The following CTBP2 variants were observed in gnomAD, a reference collection of about 807,000 sequenced individuals.
The protein encoded by CTBP2 is C-terminal binding protein 2.
In CTBP2, 30 loss-of-function variants were observed where a neutral mutation model predicts 80.3. That is an observed-to-expected ratio of 0.37 (90% CI 0.28 to 0.51). CTBP2 has a LOEUF of 0.51. CTBP2 is among the 20% of genes least tolerant of loss of function. CTBP2 has a pLI of 0.93. For synonymous variants in CTBP2, 594 were observed against 587.4 expected, an observed-to-expected ratio of 1.01 and a Z score of -0.16; for missense variants, 1,212 against 1,375.3, an observed-to-expected ratio of 0.88 and a Z score of 1.88.
In CTBP2 at chr10:125,090,456, TAA is replaced by T. The variant is rs113744620; in HGVS notation, c.-102+20532_-102+20533del. Among the ~76,000 whole-genome samples the T allele has an allele frequency of 8.7e-3, 1,170 of 134,490 alleles. 13 individuals are homozygous for T. The highest frequency in any genetic ancestry group is 0.03 in the African/African-American group (1,092 of 36,592). The allele number at this position is 134,490 out of a possible 152,430, so 88.2% of individuals were successfully genotyped here. ...AAAATATGGAATAATAATGGTTATT[TAA>T]AAAAAAAAAAAAAAGCTGAGGAGGG... On this transcript the variant is annotated intron_variant, in intron 2 of 10. Coordinates refer to the CTBP2 transcript ENST00000337195.
rs773324540 is a variant in CTBP2, at chr10:124,986,281, G to GCACACACACACACACACACA, written c.*3236_*3237insTGTGTGTGTGTGTGTGTGTG. The GCACACACACACACACACACA allele has an allele frequency of 1.1e-4, 11 of 102,842 alleles. No individual in the cohort carries two copies. Among genetic ancestry groups the GCACACACACACACACACACA allele is most frequent in the East Asian group, 6.4e-4 (2 of 3,118 alleles). 6.4% of individuals were successfully genotyped at this position (102,842 alleles called of 1,614,324 possible). On this transcript the variant is annotated 3_prime_UTR_variant, in exon 9 of 9. Coordinates refer to ENST00000309035, the MANE Select transcript of CTBP2 (RefSeq NM_022802.3). ...GAATTTGGAAAGACGACACACGCAC[G>GCACACACACACACACACACA]CGCGCGCGCGCACACACACACACAC...
chr10:125,088,604 G>A (rs1165801765), intron 2 of CTBP2, among the ~76,000 whole-genome samples: 1 of 152,078 alleles, frequency 6.6e-6, no homozygotes, highest in Non-Finnish European at 1.5e-5. Context: ...GATCACTATT[G>A]CTCATTACCT....
At chr10:124,998,239 C>A in intron 3 of CTBP2, 69 bp from the exon 6 acceptor site, 1 of 1,518,680 alleles carries the variant, frequency 6.6e-7, no homozygotes, top group South Asian at 1.2e-5. Flanking sequence ...CCAGGGCTCC[C>A]AGCCCGCCCT....
intron 2 of CTBP2, among the ~76,000 whole-genome samples, chr10:125,110,143 C>A (rs932222970): frequency 3.9e-4 from 59 of 152,224 alleles, no homozygotes; most frequent in African/African-American, 1.4e-3. Flanking sequence ...CAAAGCTAGT[C>A]CCCTCAAGGC....
At chr10:125,043,267 C>T (rs769498422) in intron 2 of CTBP2, among the ~76,000 whole-genome samples, 18 of 152,118 alleles carry the variant, frequency 1.2e-4, no homozygotes, top group Non-Finnish European at 2.1e-4. Context: ...GGGGAGGGTT[C>T]CCCTCATCAA....
intron 1 of CTBP2, among the ~76,000 whole-genome samples, chr10:125,138,535 A>C (rs1423504328): frequency 6.6e-6 from 1 of 151,934 alleles, no homozygotes; most frequent in Non-Finnish European, 1.5e-5. Flanking sequence ...AATAAGATTA[A>C]CTAAGAGGCA....
intron 1 of CTBP2, chr10:125,159,999 C>T (rs1367676117): frequency 6.7e-6 from 1 of 150,240 alleles, no homozygotes; most frequent in East Asian, 2.0e-4. Flanking sequence ...GGAAGGTGAC[C>T]GCCTACTTCG....
At chr10:125,068,657 G>A (rs1226199780) in intron 2 of CTBP2, among the ~76,000 whole-genome samples, 2 of 152,180 alleles carry the variant, frequency 1.3e-5, no homozygotes, top group Admixed American at 6.5e-5. Context: ...TGCCATGGCC[G>A]AGACAACTAC....
At chr10:125,023,632 T>G (rs1456786977) in intron 1 of CTBP2, among the ~76,000 whole-genome samples, 1 of 152,118 alleles carries the variant, frequency 6.6e-6, no homozygotes, top group Non-Finnish European at 1.5e-5. Flanking sequence ...TGGGCCGCAC[T>G]GGGGTCCCCG....
intron 1 of CTBP2, among the ~76,000 whole-genome samples, chr10:125,159,524 C>T (rs1286864027): frequency 6.7e-6 from 1 of 148,798 alleles, no homozygotes; most frequent in Non-Finnish European, 1.5e-5. Flanking sequence ...GCAGATGTGG[C>T]CCGGCTGCCC....
rs183531781 is a variant in CTBP2, at chr10:125,052,114, C to G, written c.-101-12959G>C. On this transcript the variant is annotated intron_variant, in intron 2 of 10. Coordinates refer to the CTBP2 transcript ENST00000337195. Reference sequence around the variant, plus strand: ...ATGCCAACAGACGGGAGGCTCGCACCTATCGGTGGGGGTCTGCGCTGCTGA... The same window carrying G: ...ATGCCAACAGACGGGAGGCTCGCACGTATCGGTGGGGGTCTGCGCTGCTGA... Among the ~76,000 whole-genome samples, 1,130 of 152,320 alleles carry G rather than the reference C, an allele frequency of 7.4e-3. 10 individuals carry two copies. The highest frequency in any genetic ancestry group is 7.2e-3 in the Non-Finnish European group (493 of 68,024).
intron 8 of CTBP2, among the ~76,000 whole-genome samples, chr10:124,990,169 C>T (rs933308556): frequency 1.3e-5 from 2 of 152,050 alleles, no homozygotes; most frequent in Non-Finnish European, 2.9e-5. Flanking sequence ...CTCAGCCTCC[C>T]AAGTAGCTGG....
intron 1 of CTBP2, among the ~76,000 whole-genome samples, chr10:125,144,051 T>C (rs1014689096): frequency 6.6e-6 from 1 of 152,146 alleles, no homozygotes; most frequent in African/African-American, 2.4e-5. Flanking sequence ...AGAAGAGCAA[T>C]TCCTTTCTGC....
At chr10:125,085,212 G>A (rs1019930173) in intron 2 of CTBP2, among the ~76,000 whole-genome samples, 2 of 152,210 alleles carry the variant, frequency 1.3e-5, no homozygotes, top group African/African-American at 4.8e-5. Context: ...TTTTATTTTG[G>A]TGGCTAAGGG....
intron 2 of CTBP2, among the ~76,000 whole-genome samples, chr10:125,094,878 T>TA (rs1271246016): frequency 6.9e-6 from 1 of 145,918 alleles, no homozygotes; most frequent in Non-Finnish European, 1.5e-5. Flanking sequence ...TTTTTTTTTT[T>TA]AACCAACATA....
rs1352025377 is a variant in CTBP2 at position 124,988,498 on chromosome 10, C to T, written c.*1020G>A. The T allele has an allele frequency of 6.6e-6, 1 of 152,556 alleles. No homozygotes were observed. The highest frequency in any genetic ancestry group is 1.5e-5 in the Non-Finnish European group (1 of 68,022). The allele number at this position is 152,556 out of a possible 1,614,324, so 9.5% of individuals were successfully genotyped here. A position where few individuals can be genotyped will look rare whatever the true frequency, so the allele number is the denominator to read the frequency against. ...TAAAGTTTTTCTTTTGTCACAAAAA[C>T]AGGAATGTACCTATACAAAGGCTCA... On this transcript the variant is annotated 3_prime_UTR_variant, in exon 9 of 9. Transcript: ENST00000309035.
intron 2 of CTBP2, among the ~76,000 whole-genome samples, chr10:125,103,046 G>T (rs868777352): frequency 6.6e-6 from 1 of 152,184 alleles, no homozygotes; most frequent in Non-Finnish European, 1.5e-5. Context: ...AAGGAGAGGC[G>T]GGGGCATGAC....
intron 2 of CTBP2, among the ~76,000 whole-genome samples, chr10:125,084,391 A>T (rs1847660829): frequency 6.6e-6 from 1 of 152,180 alleles, no homozygotes; most frequent in Non-Finnish European, 1.5e-5. Flanking sequence ...AGGAAAGGTG[A>T]CTAAATGAGA....
chr10:125,111,688 G>A (rs897624109), intron 1 of CTBP2, among the ~76,000 whole-genome samples: 12 of 152,224 alleles, frequency 7.9e-5, no homozygotes, highest in Non-Finnish European at 1.6e-4. Flanking sequence ...GAACCGAGGT[G>A]ATGCATTAAA....
Sources: allele counts gnomAD v4.1 joint callset (sites outside exome capture counted in the v4.1 genomes callset), GRCh38; gene constraint gnomAD v4.1.1; transcripts MANE v1.5; gene names NCBI Gene and HGNC (gene_info 2026-07-23, HGNC 2026-07-21).